HDAC4: variants seen among roughly 807,000 people sequenced by gnomAD.
The protein encoded by HDAC4 is histone deacetylase A.
In HDAC4, 16 loss-of-function variants were observed where a neutral mutation model predicts 135.1. The ratio of observed to expected loss-of-function variants is 0.12; its 90% CI spans 0.08 to 0.18. HDAC4 has a LOEUF of 0.18. Among genes scored for constraint, HDAC4 ranks in the 10% least tolerant of loss-of-function variants. The pLI, the probability that HDAC4 is intolerant of heterozygous loss-of-function variation, is 1.00. For missense variants in HDAC4, 1,143 were observed against 1,511.8 expected (o/e 0.76, Z 4.05); for synonymous variants, 685 against 653.4 (o/e 1.05, Z -0.74).
At chr2:239,196,961 C>G (rs60405653) in intron 3 of HDAC4, among the ~76,000 whole-genome samples, 2,367 of 152,254 alleles carry the variant, frequency 0.016, 64 homozygotes, top group African/African-American at 0.054. Context: ...CCACTCACCC[C>G]GGGCAGGCGC....
chr2:239,371,126 G>A (rs1694580635), intron 1 of HDAC4, among the ~76,000 whole-genome samples: 1 of 152,220 alleles, frequency 6.6e-6, no homozygotes, highest in Admixed American at 6.5e-5. Context: ...GTCCAGGCAG[G>A]AACCCTGCGC....
chr2:239,298,861 CTA>C (rs1437787578), intron 2 of HDAC4, among the ~76,000 whole-genome samples: 1 of 126,552 alleles, frequency 7.9e-6, no homozygotes, highest in African/African-American at 3.2e-5. Context: ...TGGCCATAGC[CTA>C]TTTTTTTTTT....
chr2:239,062,092 G>A (rs898685373), intron 24 of HDAC4, among the ~76,000 whole-genome samples: 3 of 152,280 alleles, frequency 2.0e-5, no homozygotes, highest in Non-Finnish European at 2.9e-5. Flanking sequence ...CATCTACACT[G>A]CAACATGCAA....
rs904164991 is a variant in HDAC4 at position 239,049,559 on chromosome 2, G to A, written c.*3538C>T. ...AAAAGAAGAATGGAATGAGCACGTG[G>A]CTGTGACCAGTAAAGAAGGAATGTT... On this transcript the variant is annotated 3_prime_UTR_variant, in exon 27 of 27. Coordinates refer to ENST00000543185, the MANE Select transcript of HDAC4 (RefSeq NM_001378414.1). 5 of 152,484 alleles carry A rather than the reference G, an allele frequency of 3.3e-5. No homozygotes were observed. In the East Asian group the frequency reaches 7.7e-4, roughly 23 times the overall value. 9.4% of individuals were successfully genotyped at this position (152,484 alleles called of 1,614,324 possible). A position where few individuals can be genotyped will look rare whatever the true frequency, so the allele number is the denominator to read the frequency against.
intron 19 of HDAC4, among the ~76,000 whole-genome samples, chr2:239,084,994 A>G (rs1249149182): frequency 6.8e-6 from 1 of 147,010 alleles, no homozygotes; most frequent in African/African-American, 2.5e-5. Flanking sequence ...TATACACATA[A>G]GCATATACCT....
intron 14 of HDAC4, among the ~76,000 whole-genome samples, chr2:239,108,783 T>G (rs967212975): frequency 2.0e-5 from 3 of 152,214 alleles, no homozygotes; most frequent in Non-Finnish European, 4.4e-5. Context: ...ACAGGTCTAC[T>G]TAACCTCTGA....
chr2:239,061,939 C>G (rs2032802737), intron 24 of HDAC4, among the ~76,000 whole-genome samples: 1 of 152,202 alleles, frequency 6.6e-6, no homozygotes, highest in South Asian at 2.1e-4. Context: ...TGGGCATGGT[C>G]TCAGACAGGA....
At chr2:239,062,215 C>G (rs144020401) in intron 24 of HDAC4, among the ~76,000 whole-genome samples, 1 of 152,278 alleles carries the variant, frequency 6.6e-6, no homozygotes, top group South Asian at 2.1e-4. Flanking sequence ...CAGACCTACG[C>G]GCTGAAGACA....
intron 22 of HDAC4, among the ~76,000 whole-genome samples, chr2:239,070,781 T>C (rs769797225): frequency 5.3e-5 from 8 of 152,086 alleles, no homozygotes; most frequent in East Asian, 1.9e-4. Flanking sequence ...CGTGGAAAAA[T>C]TGAATTAAAA....
At chr2:239,334,083 A>G (rs1691761019) in intron 2 of HDAC4, among the ~76,000 whole-genome samples, 2 of 152,238 alleles carry the variant, frequency 1.3e-5, no homozygotes, top group Admixed American at 1.3e-4. Context: ...GAATATATAG[A>G]TAATGAGTAT....
At chr2:239,238,445 C>T (rs1575492391) in intron 2 of HDAC4, among the ~76,000 whole-genome samples, 1 of 152,134 alleles carries the variant, frequency 6.6e-6, no homozygotes, top group African/African-American at 2.4e-5. Context: ...CTTGGGGGGA[C>T]CACCCTGGTC....
intron 2 of HDAC4, among the ~76,000 whole-genome samples, chr2:239,336,610 T>C (rs79369613): frequency 6.6e-6 from 1 of 151,890 alleles, no homozygotes; most frequent in African/African-American, 2.4e-5. Context: ...CAAAAGAGAG[T>C]ATCTATAAAT....
In HDAC4 at chr2:239,304,729, C is replaced by G. The variant is rs186558023; in HGVS notation, c.22+47949G>C. ...GACCCTTGTGCCCAGCGTGCAGACT[C>G]CAGGGGTAACTGCTTGCTTCTGAAT... On this transcript the variant is annotated intron_variant, in intron 2 of 26. Transcript: ENST00000543185. Among the ~76,000 whole-genome samples the G allele has an allele frequency of 2.0e-3, 308 of 152,306 alleles. 1 individual carries two copies. The highest frequency in any genetic ancestry group is 7.0e-3 in the African/African-American group (290 of 41,570).
intron 2 of HDAC4, among the ~76,000 whole-genome samples, chr2:239,300,748 C>A (rs1044641898): frequency 6.6e-6 from 1 of 152,252 alleles, no homozygotes; most frequent in East Asian, 1.9e-4. Context: ...CTCCCCTCTC[C>A]GGTTCTTACA....
chr2:239,194,244 A>G (rs2045212140), intron 3 of HDAC4, among the ~76,000 whole-genome samples: 2 of 152,134 alleles, frequency 1.3e-5, no homozygotes, highest in South Asian at 4.1e-4. Context: ...CATCCAGTCT[A>G]CTCAAGAGCT....
chr2:239,345,180 T>A (rs566235206), intron 2 of HDAC4, among the ~76,000 whole-genome samples: 4 of 152,280 alleles, frequency 2.6e-5, no homozygotes, highest in Admixed American at 2.6e-4. Context: ...GCAACCCACC[T>A]GTCACCAGAA....
chr2:239,259,043 T>C (rs913143358), intron 2 of HDAC4, among the ~76,000 whole-genome samples: 1 of 152,242 alleles, frequency 6.6e-6, no homozygotes, highest in Non-Finnish European at 1.5e-5. Context: ...TCAGACAAAG[T>C]AGACTTTAAC....
intron 7 of HDAC4, among the ~76,000 whole-genome samples, 175 bp from the exon 8 acceptor site, chr2:239,144,889 C>A (rs1381910423): frequency 6.6e-6 from 1 of 152,294 alleles, no homozygotes; most frequent in East Asian, 1.9e-4. Context: ...AAATCCCATT[C>A]ATCAGTCCCA....
intron 18 of HDAC4, among the ~76,000 whole-genome samples, chr2:239,088,597 G>C (rs952159886): frequency 5.3e-5 from 8 of 152,244 alleles, no homozygotes; most frequent in Non-Finnish European, 1.0e-4. Context: ...CCGGAGGGTA[G>C]ACGGCGGGCA....
Sources: allele counts gnomAD v4.1 joint callset (sites outside exome capture counted in the v4.1 genomes callset), GRCh38; gene constraint gnomAD v4.1.1; transcripts MANE v1.5; gene names NCBI Gene and HGNC (gene_info 2026-07-23, HGNC 2026-07-21).